The following COL22A1 variants were observed in gnomAD, a reference collection of about 807,000 sequenced individuals.
COL22A1 encodes the protein collagen type XXII alpha 1 chain, also known as collagen alpha-1(XXII) chain.
COL22A1 carries 221 observed loss-of-function variants against 248.9 expected under a neutral mutation model. That is an observed-to-expected ratio of 0.89 (90% CI 0.80 to 0.99). The LOEUF is 0.99. Among genes scored for constraint, COL22A1 ranks in the 50% least tolerant of loss-of-function variants. The pLI is 0.00. For synonymous variants in COL22A1, 891 were observed against 793.4 expected, an observed-to-expected ratio of 1.12 and a Z score of -2.07; for missense variants, 2,240 against 2,179.0, an observed-to-expected ratio of 1.03 and a Z score of -0.56.
At chr8:138,744,277 C>T (rs73437342) in intron 22 of COL22A1, among the ~76,000 whole-genome samples, 2,688 of 152,250 alleles carry the variant, frequency 0.018, 75 homozygotes, top group African/African-American at 0.06. Context: ...GAAATCAGAG[C>T]TGGTGGGCCA....
At chr8:138,619,286 A>G in intron 53 of COL22A1, among the ~76,000 whole-genome samples, 169 bp downstream of exon 53, 1 of 152,236 alleles carries the variant, frequency 6.6e-6, no homozygotes, top group Admixed American at 6.5e-5. Context: ...TTTCGCAGCT[A>G]TGTAGTGTGG....
intron 46 of COL22A1, among the ~76,000 whole-genome samples, chr8:138,649,184 T>C (rs1041044960): frequency 6.6e-6 from 1 of 152,160 alleles, no homozygotes; most frequent in African/African-American, 2.4e-5. Flanking sequence ...TCTTCTGAAC[T>C]TCCCCATTGT....
intron 18 of COL22A1, among the ~76,000 whole-genome samples, chr8:138,756,399 G>A (rs879626926): frequency 4.6e-5 from 7 of 152,060 alleles, no homozygotes; most frequent in Admixed American, 3.3e-4. Flanking sequence ...GGGCTATGAC[G>A]GCTGTGGCCT....
At chr8:138,713,092 C>A (rs1381443307) in intron 30 of COL22A1, among the ~76,000 whole-genome samples, 1 of 152,188 alleles carries the variant, frequency 6.6e-6, no homozygotes, top group African/African-American at 2.4e-5. Flanking sequence ...GACTCACACC[C>A]ACCCTCACTC....
chr8:138,691,012 G>A (rs554199971), intron 35 of COL22A1, 138 bp from the exon 36 acceptor site: 10 of 613,318 alleles, frequency 1.6e-5, no homozygotes, highest in South Asian at 5.3e-5. Context: ...CTCTGCAGAC[G>A]TGAACCTCCT....
At chr8:138,612,928 T>A in intron 56 of COL22A1, among the ~76,000 whole-genome samples, 1 of 79,490 alleles carries the variant, frequency 1.3e-5, no homozygotes, top group Non-Finnish European at 2.2e-5. Flanking sequence ...ACAGCAGGAC[T>A]CCATCTCAAA....
intron 56 of COL22A1, among the ~76,000 whole-genome samples, chr8:138,613,028 T>C (rs1221224927): frequency 6.7e-6 from 1 of 149,180 alleles, no homozygotes; most frequent in African/African-American, 2.5e-5. Context: ...GCGGGCAGAT[T>C]ATGAGGTCAG....
chr8:138,685,061 C>T (rs1166697491), intron 38 of COL22A1, 147 bp downstream of exon 38: 4 of 645,046 alleles, frequency 6.2e-6, no homozygotes, highest in Non-Finnish European at 1.1e-5. Context: ...GTTGTGCTGC[C>T]CTAGCCTGAA....
At chr8:138,698,312 A>G (rs1309689064) in intron 32 of COL22A1, among the ~76,000 whole-genome samples, 4 of 152,192 alleles carry the variant, frequency 2.6e-5, no homozygotes, top group South Asian at 4.1e-4. Flanking sequence ...CCAGTGCGCT[A>G]TGGCTGACAC....
rs1215795653 is a variant in COL22A1 at position 138,877,979 on chromosome 8, C to T, written c.429G>A (p.Lys143=). ...CGTCGGTGAGCAGGATGGCCACCTG[C>T]TTGTAGGCGCGGTCCCTGGGGCGGC... ...AGGRPRDRAY[K]QVAILLTDGR... Residue 143 remains lysine, a synonymous_variant, in exon 3 of 65, where the codon AAG becomes AAA. Coordinates refer to ENST00000303045, the MANE Select transcript of COL22A1 (RefSeq NM_152888.3). 6.3e-7 allele frequency: 1 copy of T among 1,589,094 alleles called. No homozygotes were observed.
chr8:138,871,843 T>G (rs1823370664), intron 3 of COL22A1, among the ~76,000 whole-genome samples: 1 of 152,226 alleles, frequency 6.6e-6, no homozygotes, highest in Non-Finnish European at 1.5e-5. Context: ...AGAAAAAATG[T>G]GCAAAACAGA....
At chr8:138,623,923 G>A (rs1034732054) in intron 51 of COL22A1, 138 bp from the exon 52 acceptor site, 14 of 658,764 alleles carry the variant, frequency 2.1e-5, no homozygotes, top group African/African-American at 9.1e-5. Context: ...GTGTCTCAAC[G>A]GACAGAATTG....
Position 138,883,160 on chromosome 8 carries a change from G to T in COL22A1, c.13C>A (p.Arg5=). 1 of 1,592,802 alleles carries T rather than the reference G, an allele frequency of 6.3e-7. No homozygotes were observed. Among genetic ancestry groups the T allele is most frequent in the East Asian group, 2.3e-5 (1 of 43,760 alleles). The change falls in exon 2 of 65, where the codon CGA becomes AGA. Residue 5 remains arginine, a synonymous_variant. Transcript: ENST00000303045. ...AGGAGGCCAGCCACAGCGTTCCCTC[G>T]GAGGCCGGCCATGGCTCTCCTGTTC... MAGL[R]GNAVAGLLWM...
intron 1 of COL22A1, among the ~76,000 whole-genome samples, chr8:138,896,405 A>C (rs559764631): frequency 6.6e-6 from 1 of 152,326 alleles, no homozygotes; most frequent in Admixed American, 6.5e-5. Flanking sequence ...TCAAAGTGGT[A>C]AAACATCCAT....
Position 138,794,743 on chromosome 8 carries a change from ACT to A in COL22A1, c.1596+2074_1596+2075del, listed in dbSNP as rs150381800. 4.5e-3 allele frequency among the ~76,000 whole-genome samples: 684 copies of A among 152,258 alleles called. 2 individuals are homozygous for A. Among genetic ancestry groups the A allele is most frequent in the African/African-American group, 0.015 (620 of 41,548 alleles). On this transcript the variant is annotated intron_variant, in intron 12 of 64. Coordinates refer to ENST00000303045, the MANE Select transcript of COL22A1 (RefSeq NM_152888.3). ...GTATTCAGCCTTTAAAAAGAAGGAA[ACT>A]CTGTCATTTTTGACAACATGAATGA...
intron 48 of COL22A1, 88 bp from the exon 49 acceptor site, chr8:138,635,151 G>T: frequency 9.1e-7 from 1 of 1,103,788 alleles, no homozygotes; most frequent in South Asian, 1.5e-5. Context: ...AAACAATACA[G>T]AATCCACCTT....
At chr8:138,881,885 C>T (rs572459279) in intron 2 of COL22A1, among the ~76,000 whole-genome samples, 21 of 152,264 alleles carry the variant, frequency 1.4e-4, no homozygotes, top group Middle Eastern at 3.4e-3. Flanking sequence ...TAAGCACTGA[C>T]CAGTGCCTTC....
At chr8:138,678,784 G>A (rs1262764151) in intron 40 of COL22A1, among the ~76,000 whole-genome samples, 1 of 120,938 alleles carries the variant, frequency 8.3e-6, no homozygotes, top group African/African-American at 3.2e-5. Flanking sequence ...CAACCTCTCT[G>A]CATCACTGGG....
chr8:138,601,940 C>A (rs1197129327), intron 60 of COL22A1, among the ~76,000 whole-genome samples, 175 bp downstream of exon 60: 1 of 152,164 alleles, frequency 6.6e-6, no homozygotes, highest in Non-Finnish European at 1.5e-5. Context: ...AGGAAAAGAA[C>A]CTCCCTTTGT....
Sources: allele counts gnomAD v4.1 joint callset (sites outside exome capture counted in the v4.1 genomes callset), GRCh38; gene constraint gnomAD v4.1.1; transcripts MANE v1.5; gene names NCBI Gene and HGNC (gene_info 2026-07-23, HGNC 2026-07-21).